Variants in GAP43 observed in about 807,000 individuals in gnomAD.
GAP43 encodes the protein neuromodulin.
A neutral mutation model predicts 18.6 loss-of-function variants in GAP43; 6 were observed. The ratio of observed to expected loss-of-function variants is 0.32; its 90% CI spans 0.18 to 0.64. GAP43 has a LOEUF of 0.64. GAP43 is among the 30% of genes least tolerant of loss of function. GAP43 has a pLI of 0.78. For missense variants in GAP43, 292 were observed against 295.5 expected, an observed-to-expected ratio of 0.99 and a Z score of 0.09; for synonymous variants, 115 against 111.4, an observed-to-expected ratio of 1.03 and a Z score of -0.20.
chr3:115,677,534 C>T (rs1708908770), intron 2 of GAP43, among the ~76,000 whole-genome samples: 2 of 152,208 alleles, frequency 1.3e-5, no homozygotes, highest in Non-Finnish European at 1.5e-5. Context: ...ATCCTTCCCT[C>T]ACCCCAACAC....
chr3:115,684,451 GC>G (rs758165527), intron 2 of GAP43, among the ~76,000 whole-genome samples: 21 of 152,260 alleles, frequency 1.4e-4, no homozygotes, highest in Middle Eastern at 6.8e-3. Context: ...CTGTATCCAT[GC>G]CTGTAGTATA....
chr3:115,650,966 A>G (rs1708513379), intron 1 of GAP43, among the ~76,000 whole-genome samples: 1 of 151,950 alleles, frequency 6.6e-6, no homozygotes, highest in South Asian at 2.1e-4. Flanking sequence ...CTCTACAAAA[A>G]AATAAAAATA....
intron 1 of GAP43, among the ~76,000 whole-genome samples, chr3:115,673,670 C>T (rs973744705): frequency 2.0e-5 from 3 of 152,194 alleles, no homozygotes; most frequent in Non-Finnish European, 2.9e-5. Flanking sequence ...GAGCAGAGAA[C>T]TCCTGGCAGG....
intron 1 of GAP43, among the ~76,000 whole-genome samples, chr3:115,645,031 G>T (rs753109651): frequency 6.6e-6 from 1 of 151,956 alleles, no homozygotes; most frequent in Non-Finnish European, 1.5e-5. Context: ...TGTACGTATT[G>T]TTGGCCCCTA....
chr3:115,718,321 A>T (rs561184934), intron 2 of GAP43, among the ~76,000 whole-genome samples: 1 of 152,328 alleles, frequency 6.6e-6, no homozygotes, highest in East Asian at 1.9e-4. Context: ...CAAAGGTTTG[A>T]GCAGGGTTAG....
At chr3:115,632,178 T>A (rs945185469) in intron 1 of GAP43, among the ~76,000 whole-genome samples, 1 of 151,872 alleles carries the variant, frequency 6.6e-6, no homozygotes, top group Non-Finnish European at 1.5e-5. Flanking sequence ...CCACTTCACC[T>A]CCAAACTGGG....
At chr3:115,685,539 A>G (rs1272333143) in intron 2 of GAP43, among the ~76,000 whole-genome samples, 2 of 152,234 alleles carry the variant, frequency 1.3e-5, no homozygotes. Context: ...TCCTTAATGC[A>G]AACATAATTT....
chr3:115,686,802 A>C (rs1463836510), intron 2 of GAP43, among the ~76,000 whole-genome samples: 1 of 152,208 alleles, frequency 6.6e-6, no homozygotes, highest in African/African-American at 2.4e-5. Context: ...AGATGATTTC[A>C]GGGTTCAGAT....
At position 115,703,060 on chromosome 3, in the gene GAP43, G is replaced by A. The variant is rs9833008; in HGVS notation, c.629-17734G>A. Among the ~76,000 whole-genome samples, 361 of 152,166 alleles carry A rather than the reference G, an allele frequency of 2.4e-3. 3 individuals are homozygous for A. The highest frequency in any genetic ancestry group is 0.017 in the Middle Eastern group (5 of 292). ...ATGTTTTCTGGAGTACAGTGCTCAG[G>A]TAAAGGTCAACAGTCAAAATAAAGA... is the stretch of plus-strand genomic sequence containing the variant. On this transcript the variant is annotated intron_variant, in intron 2 of 2. Coordinates refer to ENST00000305124, the MANE Select transcript of GAP43 (RefSeq NM_002045.4).
chr3:115,629,176 C>G (rs1708229675), intron 1 of GAP43, among the ~76,000 whole-genome samples: 1 of 152,112 alleles, frequency 6.6e-6, no homozygotes, highest in Non-Finnish European at 1.5e-5. Context: ...TATAAATAAC[C>G]TGGCACAGAC....
chr3:115,700,015 A>G (rs1709277540), intron 2 of GAP43, among the ~76,000 whole-genome samples: 1 of 152,212 alleles, frequency 6.6e-6, no homozygotes, highest in Non-Finnish European at 1.5e-5. Context: ...AGGGCCTTAA[A>G]TGACACCTCA....
intron 2 of GAP43, among the ~76,000 whole-genome samples, chr3:115,699,383 C>T (rs1333312186): frequency 2.0e-5 from 3 of 152,146 alleles, no homozygotes; most frequent in Admixed American, 6.5e-5. Flanking sequence ...CCCACCACTA[C>T]GCACCCACCC....
intron 2 of GAP43, among the ~76,000 whole-genome samples, chr3:115,700,044 T>G (rs983176828): frequency 1.3e-5 from 2 of 152,176 alleles, no homozygotes; most frequent in Non-Finnish European, 2.9e-5. Flanking sequence ...AAAGTCAAGT[T>G]TAACTGTTCC....
At chr3:115,627,129 CTTTCT>C (rs1482833519) in intron 1 of GAP43, among the ~76,000 whole-genome samples, 2 of 78,164 alleles carry the variant, frequency 2.6e-5, no homozygotes, top group East Asian at 4.1e-4. Context: ...TTTCTTTTTT[CTTTCT>C]TTTTTTTTTT....
Position 115,699,333 on chromosome 3 carries a change from C to T in GAP43, c.629-21461C>T, listed in dbSNP as rs74758968. On this transcript the variant is annotated intron_variant, in intron 2 of 2. Coordinates refer to ENST00000305124, the MANE Select transcript of GAP43 (RefSeq NM_002045.4). ...CTTGTTCTCTCCCATATTGCTCTAA[C>T]ACCCTCTGTGCCATCGTTCCCAACC... Among the ~76,000 whole-genome samples, 62 of 152,286 alleles carry T rather than the reference C, an allele frequency of 4.1e-4. No homozygotes were observed. The East Asian group carries it at 0.011, about 26-fold the overall frequency.
chr3:115,628,237 C>A lies in GAP43; in HGVS notation c.30+4518C>A, dbSNP rs78868758. ...CTGCTTGTGCTCTTGCTCCTCCCCCCGTGTTTTCCCCAGAGCCCCAGTCCC... is the reference window on the plus strand; with the variant it reads ...CTGCTTGTGCTCTTGCTCCTCCCCCAGTGTTTTCCCCAGAGCCCCAGTCCC... On this transcript the variant is annotated intron_variant, in intron 1 of 2. Transcript: ENST00000305124. 5.3e-5 allele frequency among the ~76,000 whole-genome samples: 8 copies of A among 151,886 alleles called. 1 individual carries two copies. The highest frequency in any genetic ancestry group is 1.3e-4 in the Admixed American group (2 of 15,224).
rs372023570 is a variant in GAP43 at position 115,713,450 on chromosome 3, G to A, written c.629-7344G>A. ...TGTGGAAGGGCCTGGACTGGAGCCA[G>A]AAAACAGGGCCATTAGAGCTCAGTG... is the stretch of plus-strand genomic sequence containing the variant. On this transcript the variant is annotated intron_variant, in intron 2 of 2. Transcript: ENST00000305124. 6.0e-4 allele frequency among the ~76,000 whole-genome samples: 92 copies of A among 152,220 alleles called. 1 individual carries two copies. The highest frequency in any genetic ancestry group is 2.1e-3 in the African/African-American group (87 of 41,452).
At chr3:115,680,782 G>A (rs748959551) in intron 2 of GAP43, among the ~76,000 whole-genome samples, 14 of 152,194 alleles carry the variant, frequency 9.2e-5, no homozygotes, top group Admixed American at 2.6e-4. Flanking sequence ...AATGATAATT[G>A]TGTATAAGAA....
At chr3:115,669,187 G>A (rs544522552) in intron 1 of GAP43, among the ~76,000 whole-genome samples, 26 of 152,162 alleles carry the variant, frequency 1.7e-4, no homozygotes, top group Middle Eastern at 3.4e-3. Context: ...TCAAGTGCTT[G>A]TTTATTATTA....
Sources: gnomAD v4.1 joint callset for allele counts (sites outside exome capture counted in the v4.1 genomes callset) on GRCh38, gnomAD v4.1.1 for gene constraint, MANE v1.5 for transcripts, NCBI Gene and HGNC (gene_info 2026-07-23, HGNC 2026-07-21) for gene names.